The following SH3GL3 variants were observed in gnomAD, a reference collection of about 807,000 sequenced individuals.
SH3GL3 encodes the protein endophilin-A3.
Under a neutral mutation model 47.7 loss-of-function variants are expected in SH3GL3, and 33 were observed. That is an observed-to-expected ratio of 0.69 (90% CI 0.52 to 0.92). The LOEUF is 0.92. SH3GL3 is among the 40% of genes least tolerant of loss of function. The probability of loss-of-function intolerance (pLI) is 0.00; values close to 1 mark genes in which losing one functional copy is unlikely to be tolerated. For synonymous variants in SH3GL3, 155 were observed against 148.8 expected, an observed-to-expected ratio of 1.04 and a Z score of -0.30; for missense variants, 363 against 417.8, an observed-to-expected ratio of 0.87 and a Z score of 1.14.
intron 5 of SH3GL3, among the ~76,000 whole-genome samples, chr15:83,574,140 T>C (rs1596290962): frequency 6.6e-6 from 1 of 151,766 alleles, no homozygotes; most frequent in East Asian, 1.9e-4. Context: ...ATAGGGTGTG[T>C]AGGGGTGGGG....
chr15:83,546,721 C>T (rs917485999), intron 1 of SH3GL3, among the ~76,000 whole-genome samples: 10 of 151,828 alleles, frequency 6.6e-5, no homozygotes, highest in Admixed American at 6.6e-4. Flanking sequence ...TATTCAAGGC[C>T]CAGGGGTGTT....
intron 2 of SH3GL3, among the ~76,000 whole-genome samples, chr15:83,564,416 A>G (rs1011437226): frequency 6.6e-6 from 1 of 152,130 alleles, no homozygotes; most frequent in Non-Finnish European, 1.5e-5. Context: ...TATTGCTTTT[A>G]TGAATGAGAT....
At chr15:83,541,968 C>T (rs1173935352) in intron 1 of SH3GL3, among the ~76,000 whole-genome samples, 2 of 152,114 alleles carry the variant, frequency 1.3e-5, no homozygotes. Context: ...AACTTTTTAA[C>T]TTGATATGAT....
chr15:83,619,581 T>G (rs1441419089), downstream of SH3GL3, among the ~76,000 whole-genome samples: 1 of 152,198 alleles, frequency 6.6e-6, no homozygotes, highest in Non-Finnish European at 1.5e-5. Flanking sequence ...AAGAGTTGTG[T>G]TTACACTATG....
intron 8 of SH3GL3, among the ~76,000 whole-genome samples, chr15:83,613,474 TGC>T (rs2151848365): frequency 1.3e-5 from 2 of 152,324 alleles, no homozygotes; most frequent in South Asian, 4.1e-4. Flanking sequence ...TGTGTGTGTG[TGC>T]AGCAAGAACC....
intron 8 of SH3GL3, among the ~76,000 whole-genome samples, chr15:83,602,208 A>G (rs1036453355): frequency 1.3e-5 from 2 of 152,206 alleles, no homozygotes; most frequent in Non-Finnish European, 2.9e-5. Flanking sequence ...GAAATGACAC[A>G]CACATTCCAG....
intron 1 of SH3GL3, among the ~76,000 whole-genome samples, chr15:83,518,675 C>G (rs753990138): frequency 6.6e-6 from 1 of 152,172 alleles, no homozygotes; most frequent in African/African-American, 2.4e-5. Flanking sequence ...AATATTTTCT[C>G]CCATTCTGTG....
intron 8 of SH3GL3, among the ~76,000 whole-genome samples, chr15:83,603,625 A>T (rs763795928): frequency 6.6e-6 from 1 of 152,170 alleles, no homozygotes. Flanking sequence ...TTTCCAATGC[A>T]TTAGGAACCA....
At chr15:83,514,257 A>G (rs2042889235) in intron 1 of SH3GL3, among the ~76,000 whole-genome samples, 1 of 152,126 alleles carries the variant, frequency 6.6e-6, no homozygotes, top group Admixed American at 6.5e-5. Flanking sequence ...CCCTTGAAAA[A>G]CTTTTCCCAC....
At chr15:83,576,122 G>A (rs770265983) in intron 5 of SH3GL3, among the ~76,000 whole-genome samples, 34 of 152,106 alleles carry the variant, frequency 2.2e-4, no homozygotes, top group African/African-American at 6.5e-4. Context: ...ACGGAGATCC[G>A]TTAATATTCT....
chr15:83,531,081 G>A (rs887119013), intron 1 of SH3GL3, among the ~76,000 whole-genome samples: 6 of 152,146 alleles, frequency 3.9e-5, no homozygotes, highest in African/African-American at 1.4e-4. Context: ...TCCTTAACAT[G>A]CCCACAGATT....
the SH3GL3 span, among the ~76,000 whole-genome samples, chr15:83,623,952 A>G: frequency 6.6e-6 from 1 of 151,938 alleles, no homozygotes; most frequent in African/African-American, 2.4e-5. Flanking sequence ...CACCCAGCTA[A>G]TTTTTTGTAT....
At chr15:83,518,512 A>G (rs2043082847) in intron 1 of SH3GL3, among the ~76,000 whole-genome samples, 1 of 151,640 alleles carries the variant, frequency 6.6e-6, no homozygotes, top group Admixed American at 6.6e-5. Context: ...TTTTTTTTGC[A>G]TGTTTTTGGT....
intron 1 of SH3GL3, among the ~76,000 whole-genome samples, chr15:83,491,984 A>G (rs942200355): frequency 5.9e-5 from 9 of 152,030 alleles, no homozygotes; most frequent in African/African-American, 9.7e-5. Context: ...CAATCTTCCA[A>G]CTATTTATAG....
intron 1 of SH3GL3, among the ~76,000 whole-genome samples, chr15:83,473,551 CTT>C (rs777552855): frequency 7.1e-6 from 1 of 141,812 alleles, no homozygotes; most frequent in Non-Finnish European, 1.5e-5. Flanking sequence ...TTTGTTGGGG[CTT>C]TTTTTTTTTT....
chr15:83,521,225 A>G (rs909445200), intron 1 of SH3GL3, among the ~76,000 whole-genome samples: 5 of 152,260 alleles, frequency 3.3e-5, no homozygotes, highest in African/African-American at 1.2e-4. Context: ...CAAACCGTAG[A>G]GCAAAGGAGA....
chr15:83,471,537 C>G (rs1167573377), intron 1 of SH3GL3, among the ~76,000 whole-genome samples: 1 of 152,192 alleles, frequency 6.6e-6, no homozygotes, highest in Non-Finnish European at 1.5e-5. Flanking sequence ...TCATACCAGG[C>G]TTTAATAAAG....
intron 6 of SH3GL3, among the ~76,000 whole-genome samples, chr15:83,582,231 C>A (rs1381288073): frequency 6.6e-6 from 1 of 152,182 alleles, no homozygotes; most frequent in Non-Finnish European, 1.5e-5. Context: ...TAGCAGAAAT[C>A]AGAGATATTC....
Position 83,490,181 on chromosome 15 carries a change from G to A in SH3GL3, c.45+42603G>A, listed in dbSNP as rs560249160. Among the ~76,000 whole-genome samples, 19 of 152,122 alleles carry A rather than the reference G, an allele frequency of 1.2e-4. No homozygotes were observed. In the South Asian group the frequency reaches 3.1e-3, roughly 25 times the overall value. On this transcript the variant is annotated intron_variant, in intron 1 of 8. Coordinates refer to ENST00000427482, the MANE Select transcript of SH3GL3 (RefSeq NM_003027.5). ...CCCCTTAGGGGTCTCCGCTCTTGGC[G>A]TCTGGACTCCCCTTCTCTGTGGGTC...
Sources: gnomAD v4.1 joint callset for allele counts (sites outside exome capture counted in the v4.1 genomes callset) on GRCh38, gnomAD v4.1.1 for gene constraint, MANE v1.5 for transcripts, NCBI Gene and HGNC (gene_info 2026-07-23, HGNC 2026-07-21) for gene names.